The following HYDIN variants were observed in gnomAD, a reference collection of about 807,000 sequenced individuals.
HYDIN encodes the protein HYDIN axonemal central pair apparatus protein, also known as axonemal central pair apparatus protein HYDIN.
In HYDIN, 132 loss-of-function variants were observed where a neutral mutation model predicts 403.9. That is an observed-to-expected ratio of 0.33 (90% CI 0.28 to 0.38). HYDIN has a LOEUF of 0.38. Among genes scored for constraint, HYDIN ranks in the 10% least tolerant of loss-of-function variants. The pLI is 1.00. For synonymous variants in HYDIN, 1,202 were observed against 1,891.7 expected, an observed-to-expected ratio of 0.64 and a Z score of 9.46; for missense variants, 2,827 against 5,009.5, an observed-to-expected ratio of 0.56 and a Z score of 13.15.
At chr16:71,070,316 T>C (rs535147471) in intron 13 of HYDIN, among the ~76,000 whole-genome samples, 17 of 149,446 alleles carry the variant, frequency 1.1e-4, no homozygotes, top group East Asian at 5.9e-4. Context: ...TTCCTTCCTT[T>C]CTTTCTTTTT....
intron 16 of HYDIN, among the ~76,000 whole-genome samples, chr16:71,063,393 G>A (rs1166473311): frequency 6.6e-6 from 1 of 152,314 alleles, no homozygotes; most frequent in Non-Finnish European, 1.5e-5. Context: ...TGGATTTTTT[G>A]GAATTAATTT....
rs2040967709 is a variant in HYDIN, at chr16:70,883,957, G to A, written c.9942C>T (p.Gly3314=). ...SGRDPAVHPA[G]ILYTLLAEAC... is the part of the protein sequence containing the mutation. ...CTTCAGCTAGCAAAGTGTAAAGAATGCCGGCAGGGTGGACTGCAGGGTCTC... is the reference window on the plus strand; with the variant it reads ...CTTCAGCTAGCAAAGTGTAAAGAATACCGGCAGGGTGGACTGCAGGGTCTC... Residue 3314 remains glycine, a synonymous_variant, in exon 59 of 86, where the codon GGC becomes GGT. Coordinates refer to ENST00000393567, the MANE Select transcript of HYDIN (RefSeq NM_001270974.2). 2.5e-6 allele frequency: 4 copies of A among 1,613,944 alleles called. No individual in the cohort carries two copies. In the South Asian group the frequency reaches 3.3e-5, roughly 13 times the overall value.
intron 18 of HYDIN, among the ~76,000 whole-genome samples, chr16:71,035,734 A>G (rs533663183): frequency 6.6e-6 from 1 of 152,340 alleles, no homozygotes; most frequent in Non-Finnish European, 1.5e-5. Flanking sequence ...ATGAATTCCA[A>G]TTGGTGACAG....
intron 12 of HYDIN, among the ~76,000 whole-genome samples, chr16:71,082,252 A>T (rs1022063515): frequency 1.3e-5 from 2 of 152,196 alleles, no homozygotes; most frequent in Admixed American, 6.5e-5. Flanking sequence ...TGTATTATAC[A>T]TGCATTTTTA....
chr16:70,835,024 ATGT>A (rs1567678266), intron 78 of HYDIN, among the ~76,000 whole-genome samples: 4 of 143,006 alleles, frequency 2.8e-5, no homozygotes, highest in Admixed American at 7.1e-5. Context: ...ACATATATAT[ATGT>A]TTTTTTTTTT....
chr16:71,055,238 C>T (rs2081841497), intron 18 of HYDIN, among the ~76,000 whole-genome samples: 1 of 152,300 alleles, frequency 6.6e-6, no homozygotes, highest in Admixed American at 6.5e-5. Context: ...CAGAACCAGG[C>T]CTGCCACTTA....
rs767375464 is a variant in HYDIN, at chr16:70,904,518, T to TTTTTTTTTTTTTTTTTTTTTG, written c.8517-455_8517-454insCAAAAAAAAAAAAAAAAAAAA. On this transcript the variant is annotated intron_variant, in intron 50 of 85. Transcript: ENST00000393567. ...TTTTTTTTTTTTTTTTTTTTTTTTT[T>TTTTTTTTTTTTTTTTTTTTTG]TGAGGGAGTTTCGTTCTTGTTGCCC... Among the ~76,000 whole-genome samples, 88 of 37,012 alleles carry TTTTTTTTTTTTTTTTTTTTTG rather than the reference T, an allele frequency of 2.4e-3. 34 individuals carry two copies. Among genetic ancestry groups the TTTTTTTTTTTTTTTTTTTTTG allele is most frequent in the Non-Finnish European group, 4.0e-3 (76 of 19,124 alleles). 24.3% of individuals were successfully genotyped at this position (37,012 alleles called of 152,430 possible). A position where few individuals can be genotyped will look rare whatever the true frequency, so the allele number is the denominator to read the frequency against.
At chr16:71,112,286 TCTAAGGAAGTTA>T (rs1391661197) in intron 10 of HYDIN, among the ~76,000 whole-genome samples, 1 of 149,186 alleles carries the variant, frequency 6.7e-6, no homozygotes, top group African/African-American at 2.5e-5. Flanking sequence ...ATACATCATT[TCTAAGGAAGTTA>T]CTTGAGCAGA....
intron 58 of HYDIN, among the ~76,000 whole-genome samples, chr16:70,884,900 T>G (rs1486501006): frequency 2.0e-5 from 3 of 152,248 alleles, no homozygotes; most frequent in Admixed American, 6.5e-5. Context: ...TGTCCTGCAG[T>G]GCTTCAGCTC....
chr16:70,897,818 C>T (rs1270099176), intron 53 of HYDIN, among the ~76,000 whole-genome samples: 1 of 151,926 alleles, frequency 6.6e-6, no homozygotes, highest in African/African-American at 2.4e-5. Context: ...TGTTCAGAGC[C>T]CTAATCAGGC....
chr16:70,948,620 A>T (rs2077958674), intron 41 of HYDIN, among the ~76,000 whole-genome samples: 1 of 151,990 alleles, frequency 6.6e-6, no homozygotes, highest in Non-Finnish European at 1.5e-5. Flanking sequence ...AGAAAAAAAC[A>T]AACAACCCCA....
intron 53 of HYDIN, among the ~76,000 whole-genome samples, chr16:70,898,700 A>G (rs917111448): frequency 5.9e-5 from 9 of 152,178 alleles, no homozygotes; most frequent in Non-Finnish European, 1.2e-4. Context: ...GAAGCATTCA[A>G]AGAGAAGCTG....
chr16:71,211,246 C>G (rs1598041057), intron 1 of HYDIN, among the ~76,000 whole-genome samples: 1 of 152,266 alleles, frequency 6.6e-6, no homozygotes, highest in Middle Eastern at 3.4e-3. Flanking sequence ...ATTTGCAGCC[C>G]AGGTCCACAT....
At chr16:70,822,695 A>G (rs1039024713) in intron 83 of HYDIN, among the ~76,000 whole-genome samples, 4 of 152,238 alleles carry the variant, frequency 2.6e-5, no homozygotes, top group African/African-American at 2.4e-5. Context: ...CCCCACCTTC[A>G]GTAACCACCA....
rs1158183719 is a variant in HYDIN, at chr16:70,954,295, G to T, written c.6316+1080C>A. Among the ~76,000 whole-genome samples the T allele has an allele frequency of 6.6e-5, 7 of 106,328 alleles. No homozygotes were observed. The East Asian group carries it at 1.8e-3, about 28-fold the overall frequency. The allele number at this position is 106,328 out of a possible 152,430, so 69.8% of individuals were successfully genotyped here. ...GTTTGAGACCAGCCTGGACAACATA[G>T]CGAGACCCTAAAAATTAGCCAGGCA... On this transcript the variant is annotated intron_variant, in intron 40 of 85. Transcript: ENST00000393567.
intron 1 of HYDIN, among the ~76,000 whole-genome samples, chr16:71,197,355 G>A (rs1026293169): frequency 6.6e-6 from 1 of 152,136 alleles, no homozygotes; most frequent in Non-Finnish European, 1.5e-5. Context: ...CTAGCATATG[G>A]TAATAAGCAC....
intron 3 of HYDIN, among the ~76,000 whole-genome samples, chr16:71,184,140 C>A (rs1315358149): frequency 6.6e-6 from 1 of 152,050 alleles, no homozygotes; most frequent in African/African-American, 2.4e-5. Context: ...AGCAGACAAG[C>A]CTCAAAGACT....
chr16:71,157,462 C>T (rs1021592556), intron 6 of HYDIN, among the ~76,000 whole-genome samples: 8 of 150,862 alleles, frequency 5.3e-5, no homozygotes, highest in Non-Finnish European at 8.9e-5. Context: ...GTTTTTAGAA[C>T]GGATCCTTGT....
At position 70,833,977 on chromosome 16, in the gene HYDIN, T is replaced by A. The variant is rs373405557; in HGVS notation, c.13589A>T (p.Asp4530Val). 9.9e-5 allele frequency: 160 copies of A among 1,611,648 alleles called. No homozygotes were observed. In the African/African-American group the frequency reaches 1.9e-3, roughly 20 times the overall value. The change falls in exon 79 of 86, where the codon GAC becomes GTC. Residue 4530 changes from aspartate to valine, a missense_variant. Transcript: ENST00000393567. ...GGGTCCAAAGGGAATATGTTCCTGG[T>A]CCAGTGAGATCTCCAGGGCCTGGCA... is the stretch of plus-strand genomic sequence containing the variant. ...GCCQALEISL[D>V]QEHIPFGPVV...
Sources: allele counts gnomAD v4.1 joint callset (sites outside exome capture counted in the v4.1 genomes callset), GRCh38; gene constraint gnomAD v4.1.1; transcripts MANE v1.5; gene names NCBI Gene and HGNC (gene_info 2026-07-23, HGNC 2026-07-21).